The following CLDN10 variants were observed in gnomAD, a reference collection of about 807,000 sequenced individuals.
CLDN10 encodes claudin-10.
In CLDN10, 15 loss-of-function variants were observed where a neutral mutation model predicts 22.9. That is an observed-to-expected ratio of 0.65 (90% CI 0.44 to 1.01). The LOEUF is 1.01. CLDN10 is among the 50% of genes least tolerant of loss of function. The pLI, the probability that CLDN10 is intolerant of heterozygous loss-of-function variation, is 0.00. For missense variants in CLDN10, 247 were observed against 287.8 expected (o/e 0.86, Z 1.03); for synonymous variants, 114 against 111.4 (o/e 1.02, Z -0.15).
intron 1 of CLDN10, among the ~76,000 whole-genome samples, chr13:95,488,185 G>A (rs111727196): frequency 0.03 from 4,444 of 147,096 alleles, 93 homozygotes; most frequent in Middle Eastern, 0.073. Context: ...GGGTTTTACC[G>A]TCTTAGCCAG....
At chr13:95,563,095 A>G (rs371957199) in intron 3 of CLDN10, among the ~76,000 whole-genome samples, 2 of 128,066 alleles carry the variant, frequency 1.6e-5, no homozygotes, top group Non-Finnish European at 3.3e-5. Context: ...CTGCCTACCC[A>G]CTCTCTCTCT....
At chr13:95,532,346 C>G (rs527936339) in intron 1 of CLDN10, among the ~76,000 whole-genome samples, 2 of 152,150 alleles carry the variant, frequency 1.3e-5, no homozygotes, top group East Asian at 3.9e-4. Flanking sequence ...TTTGGACAGG[C>G]ACTTCACAAA....
intron 1 of CLDN10, among the ~76,000 whole-genome samples, chr13:95,458,684 G>A (rs1056384951): frequency 1.3e-5 from 2 of 152,084 alleles, no homozygotes; most frequent in Non-Finnish European, 2.9e-5. Context: ...GGGGATTATG[G>A]GGATCACAAT....
chr13:95,502,042 C>G (rs780724628), intron 1 of CLDN10, among the ~76,000 whole-genome samples: 10 of 152,144 alleles, frequency 6.6e-5, no homozygotes, highest in Non-Finnish European at 8.8e-5. Flanking sequence ...AAGAATTTTA[C>G]AATAGTTGTG....
At chr13:95,483,937 G>A (rs773187898) in intron 1 of CLDN10, among the ~76,000 whole-genome samples, 1 of 152,132 alleles carries the variant, frequency 6.6e-6, no homozygotes, top group Non-Finnish European at 1.5e-5. Flanking sequence ...GATGGGATTA[G>A]TGCCCTTATA....
intron 1 of CLDN10, among the ~76,000 whole-genome samples, chr13:95,453,445 G>A (rs1037212048): frequency 6.6e-6 from 1 of 152,154 alleles, no homozygotes; most frequent in Non-Finnish European, 1.5e-5. Context: ...CACTTTGGGA[G>A]GCTGAGGCAG....
rs188469788 is a variant in CLDN10 at position 95,533,159 on chromosome 13, G to C, written c.215-26973G>C. On this transcript the variant is annotated intron_variant, in intron 1 of 4. Coordinates refer to the CLDN10 transcript ENST00000376873. ...TTAATATCTAGCTAGTGATATGCTT[G>C]CTGAAGGATTTAGGAGAAATTGTAC... Among the ~76,000 whole-genome samples, 117 of 151,132 alleles carry C rather than the reference G, an allele frequency of 7.7e-4. 1 individual carries two copies. The highest frequency in any genetic ancestry group is 2.7e-3 in the African/African-American group (110 of 41,250).
chr13:95,499,975 A>G (rs1260882097), intron 1 of CLDN10, among the ~76,000 whole-genome samples: 1 of 152,170 alleles, frequency 6.6e-6, no homozygotes, highest in Non-Finnish European at 1.5e-5. Flanking sequence ...AAGTTTACAA[A>G]TTTGTGTTGA....
At chr13:95,511,359 T>C (rs574428987) in intron 1 of CLDN10, among the ~76,000 whole-genome samples, 1 of 152,104 alleles carries the variant, frequency 6.6e-6, no homozygotes, top group East Asian at 1.9e-4. Context: ...CCTAAATCCT[T>C]GTTCTGTTAG....
chr13:95,455,789 G>A (rs1218946025), intron 1 of CLDN10, among the ~76,000 whole-genome samples: 1 of 152,142 alleles, frequency 6.6e-6, no homozygotes, highest in Non-Finnish European at 1.5e-5. Context: ...AATGGAAACA[G>A]AAAATCTTTA....
chr13:95,541,549 T>A (rs940259413), intron 1 of CLDN10, among the ~76,000 whole-genome samples: 1 of 152,202 alleles, frequency 6.6e-6, no homozygotes, highest in Non-Finnish European at 1.5e-5. Flanking sequence ...GTTTGCACTG[T>A]CTGAAGGGGA....
chr13:95,568,748 C>T (rs1215097593), intron 3 of CLDN10, among the ~76,000 whole-genome samples: 1 of 152,162 alleles, frequency 6.6e-6, no homozygotes, highest in African/African-American at 2.4e-5. Flanking sequence ...ATCCTTACAG[C>T]AAGGATGGTA....
chr13:95,478,710 T>C (rs1476208024), intron 1 of CLDN10, among the ~76,000 whole-genome samples: 2 of 152,228 alleles, frequency 1.3e-5, no homozygotes, highest in Non-Finnish European at 2.9e-5. Flanking sequence ...AGTGGTGACT[T>C]GCAGTATGGC....
intron 1 of CLDN10, among the ~76,000 whole-genome samples, chr13:95,468,416 A>G (rs1347137059): frequency 6.6e-6 from 1 of 152,184 alleles, no homozygotes; most frequent in Non-Finnish European, 1.5e-5. Flanking sequence ...CACTTTAACC[A>G]GAAATGGTAT....
chr13:95,526,183 C>A (rs1309961529), intron 1 of CLDN10, among the ~76,000 whole-genome samples: 1 of 152,032 alleles, frequency 6.6e-6, no homozygotes, highest in East Asian at 1.9e-4. Flanking sequence ...GCAATATTTT[C>A]TTTTATTTCT....
chr13:95,576,938 A>G (rs571176561), intron 3 of CLDN10, among the ~76,000 whole-genome samples: 2 of 152,348 alleles, frequency 1.3e-5, no homozygotes, highest in South Asian at 4.1e-4. Context: ...GGCAGCGTGC[A>G]GAGGAAAGGT....
chr13:95,436,725 T>G (rs1480369686), intron 1 of CLDN10, among the ~76,000 whole-genome samples: 2 of 152,184 alleles, frequency 1.3e-5, no homozygotes, highest in Non-Finnish European at 2.9e-5. Context: ...TGATTCATAT[T>G]TCCAAAGAAA....
chr13:95,457,066 C>T (rs1220367753), intron 1 of CLDN10, among the ~76,000 whole-genome samples: 3 of 152,138 alleles, frequency 2.0e-5, no homozygotes, highest in Non-Finnish European at 2.9e-5. Context: ...CTTCCTGTTG[C>T]GTCTCGGTCC....
intron 1 of CLDN10, among the ~76,000 whole-genome samples, chr13:95,536,397 C>T (rs1205386238): frequency 6.6e-6 from 1 of 151,900 alleles, no homozygotes; most frequent in Non-Finnish European, 1.5e-5. Flanking sequence ...TGCAGTAAGC[C>T]GAGATCACGC....
Sources: gnomAD v4.1 joint callset for allele counts (sites outside exome capture counted in the v4.1 genomes callset) on GRCh38, gnomAD v4.1.1 for gene constraint, MANE v1.5 for transcripts, NCBI Gene and HGNC (gene_info 2026-07-23, HGNC 2026-07-21) for gene names.